CTNNA3: variants seen among roughly 807,000 people sequenced by gnomAD.
CTNNA3 encodes the protein catenin alpha-3.
In CTNNA3, 76 loss-of-function variants were observed where a neutral mutation model predicts 95.7. The observed-to-expected ratio is 0.79, with a 90% CI of 0.66 to 0.96. The LOEUF is 0.96. CTNNA3 is among the 40% of genes least tolerant of loss of function. The probability of loss-of-function intolerance (pLI) is 0.00; values close to 1 mark genes in which losing one functional copy is unlikely to be tolerated. For synonymous variants in CTNNA3, 431 were observed against 374.4 expected, an observed-to-expected ratio of 1.15 and a Z score of -1.74; for missense variants, 1,191 against 1,089.8, an observed-to-expected ratio of 1.09 and a Z score of -1.31.
intron 7 of CTNNA3, among the ~76,000 whole-genome samples, chr10:66,897,858 A>C (rs1349334100): frequency 1.3e-5 from 2 of 152,184 alleles, no homozygotes; most frequent in African/African-American, 2.4e-5. Flanking sequence ...GAAAAGACCT[A>C]GAAACAGTGA....
intron 15 of CTNNA3, among the ~76,000 whole-genome samples, chr10:66,001,247 T>A (rs1253302101): frequency 2.6e-5 from 4 of 152,136 alleles, no homozygotes; most frequent in Non-Finnish European, 4.4e-5. Flanking sequence ...TCTTTCTGTC[T>A]CTTATTCCCA....
intron 11 of CTNNA3, among the ~76,000 whole-genome samples, chr10:66,450,554 G>T (rs1470469268): frequency 1.2e-4 from 18 of 151,910 alleles, no homozygotes. Context: ...TGATATCAAA[G>T]AACATCACAG....
intron 1 of CTNNA3, among the ~76,000 whole-genome samples, chr10:67,720,258 T>A (rs1043692015): frequency 1.3e-5 from 2 of 150,782 alleles, no homozygotes; most frequent in East Asian, 3.9e-4. Flanking sequence ...GTATTCACAC[T>A]GATTGGTCTT....
chr10:67,750,230 C>G, intron 1 of CTNNA3: 1 of 1,465,476 alleles, frequency 6.8e-7, no homozygotes, highest in South Asian at 1.1e-5. Flanking sequence ...CAACTCTGGA[C>G]ACAGCAGGAC....
chr10:66,489,894 C>A (rs760459987), intron 11 of CTNNA3, among the ~76,000 whole-genome samples: 1 of 152,124 alleles, frequency 6.6e-6, no homozygotes, highest in Non-Finnish European at 1.5e-5. Flanking sequence ...AAAACTTGGC[C>A]AAAAGGCCTT....
At position 66,561,796 on chromosome 10, in the gene CTNNA3, T is replaced by C. The variant is rs539182930; in HGVS notation, c.1375-41023A>G. On this transcript the variant is annotated intron_variant, in intron 10 of 17. Transcript: ENST00000433211. ...AGCATGAGAGTGACCATAGGATTTATGAGAATAGGGATTTTTACACCCATT... is the reference window on the plus strand; with the variant it reads ...AGCATGAGAGTGACCATAGGATTTACGAGAATAGGGATTTTTACACCCATT... 3.7e-3 allele frequency among the ~76,000 whole-genome samples: 558 copies of C among 152,228 alleles called. 2 individuals are homozygous for C. Among genetic ancestry groups the C allele is most frequent in the Non-Finnish European group, 6.8e-3 (460 of 67,980 alleles).
chr10:67,171,771 CAAAAT>C (rs1178516470), intron 7 of CTNNA3, among the ~76,000 whole-genome samples: 1 of 151,446 alleles, frequency 6.6e-6, no homozygotes, highest in Non-Finnish European at 1.5e-5. Flanking sequence ...AAAATAAAAA[CAAAAT>C]AAAAAGATAA....
intron 3 of CTNNA3, among the ~76,000 whole-genome samples, chr10:67,590,530 G>C (rs951796654): frequency 6.6e-6 from 1 of 152,086 alleles, no homozygotes; most frequent in African/African-American, 2.4e-5. Flanking sequence ...ATGTTTAAAA[G>C]ATCCTATTGC....
chr10:66,348,532 A>C (rs868140863), intron 12 of CTNNA3, among the ~76,000 whole-genome samples: 38 of 152,134 alleles, frequency 2.5e-4, no homozygotes, highest in African/African-American at 8.9e-4. Context: ...ATATGAAATT[A>C]TCTTGTAGGT....
At chr10:67,426,420 A>C (rs567394268) in intron 5 of CTNNA3, among the ~76,000 whole-genome samples, 13 of 152,254 alleles carry the variant, frequency 8.5e-5, no homozygotes, top group African/African-American at 2.9e-4. Flanking sequence ...ACAAAATTAA[A>C]GCAAATGATG....
At chr10:67,384,236 G>A (rs1844058759) in intron 5 of CTNNA3, among the ~76,000 whole-genome samples, 1 of 152,146 alleles carries the variant, frequency 6.6e-6, no homozygotes, top group Non-Finnish European at 1.5e-5. Flanking sequence ...TGTGGTGGCT[G>A]CAAATTTGGC....
chr10:67,113,704 AAG>A (rs898819734), intron 7 of CTNNA3, among the ~76,000 whole-genome samples: 10 of 152,146 alleles, frequency 6.6e-5, no homozygotes, highest in Non-Finnish European at 1.5e-4. Flanking sequence ...AGCTCAGAAA[AAG>A]AGATTTAGGC....
At chr10:67,351,097 C>T (rs1199473294) in intron 5 of CTNNA3, among the ~76,000 whole-genome samples, 1 of 131,136 alleles carries the variant, frequency 7.6e-6, no homozygotes, top group Admixed American at 8.5e-5. Flanking sequence ...ATGCTTTATG[C>T]TAAGTGAAAG....
intron 1 of CTNNA3, among the ~76,000 whole-genome samples, chr10:67,717,272 C>G (rs552553982): frequency 2.3e-4 from 35 of 152,050 alleles, no homozygotes; most frequent in East Asian, 7.7e-4. Context: ...TAGGTTGCCT[C>G]TTCCCTCTGA....
chr10:66,329,772 C>G (rs921511350), intron 12 of CTNNA3, among the ~76,000 whole-genome samples: 17 of 152,006 alleles, frequency 1.1e-4, no homozygotes, highest in South Asian at 2.1e-4. Flanking sequence ...TGTTTTCAGA[C>G]TGAAAAATTA....
At chr10:66,991,607 A>C (rs1851041823) in intron 7 of CTNNA3, among the ~76,000 whole-genome samples, 1 of 152,128 alleles carries the variant, frequency 6.6e-6, no homozygotes. Flanking sequence ...GCTGGAGTGC[A>C]ATGGCGTGAT....
intron 13 of CTNNA3, among the ~76,000 whole-genome samples, chr10:66,245,556 T>C (rs1012399747): frequency 1.3e-5 from 2 of 152,160 alleles, no homozygotes; most frequent in Non-Finnish European, 2.9e-5. Flanking sequence ...TATTGAGCAA[T>C]ATAACAGCTC....
intron 12 of CTNNA3, among the ~76,000 whole-genome samples, chr10:66,322,154 A>G (rs2092196720): frequency 1.3e-5 from 2 of 152,242 alleles, no homozygotes; most frequent in African/African-American, 4.8e-5. Flanking sequence ...CTCTAAGTAG[A>G]GGAATCACAC....
chr10:67,113,349 A>G (rs12761904), intron 7 of CTNNA3, among the ~76,000 whole-genome samples: 2,113 of 152,208 alleles, frequency 0.014, 22 homozygotes, highest in Admixed American at 0.022. Flanking sequence ...CATCTTTTAA[A>G]ATTTTAGTTC....
Sources: allele counts gnomAD v4.1 joint callset (sites outside exome capture counted in the v4.1 genomes callset), GRCh38; gene constraint gnomAD v4.1.1; transcripts MANE v1.5; gene names NCBI Gene and HGNC (gene_info 2026-07-23, HGNC 2026-07-21).